DNAH8: variants seen among roughly 807,000 people sequenced by gnomAD.
DNAH8 encodes axonemal beta dynein heavy chain 8.
Under a neutral mutation model 562.1 loss-of-function variants are expected in DNAH8, and 382 were observed. That is an observed-to-expected ratio of 0.68 (90% CI 0.63 to 0.74). The LOEUF is 0.74. Among genes scored for constraint, DNAH8 ranks in the 30% least tolerant of loss-of-function variants. The pLI is 0.00. For synonymous variants in DNAH8, 1,881 were observed against 1,919.4 expected, an observed-to-expected ratio of 0.98 and a Z score of 0.52; for missense variants, 5,203 against 5,620.4, an observed-to-expected ratio of 0.93 and a Z score of 2.37.
intron 30 of DNAH8, among the ~76,000 whole-genome samples, chr6:38,828,963 T>C (rs888226963): frequency 6.6e-6 from 1 of 152,188 alleles, no homozygotes; most frequent in African/African-American, 2.4e-5. Context: ...TCTGGACATT[T>C]AATGTAGACT....
intron 53 of DNAH8, among the ~76,000 whole-genome samples, chr6:38,878,829 T>G (rs1198199080): frequency 2.0e-5 from 3 of 152,188 alleles, no homozygotes; most frequent in Non-Finnish European, 2.9e-5. Flanking sequence ...CATTTCAAAA[T>G]TGCTAAGAGA....
At chr6:38,834,715 T>A in intron 32 of DNAH8, 74 bp downstream of exon 32, 1 of 1,165,056 alleles carries the variant, frequency 8.6e-7, no homozygotes, top group Non-Finnish European at 1.3e-6. Context: ...ATGGAGGTTT[T>A]ACTTTTTAAT....
intron 79 of DNAH8, 133 bp from the exon 80 acceptor site, chr6:38,945,334 T>A (rs1761312874): frequency 1.1e-6 from 1 of 951,390 alleles, no homozygotes; most frequent in South Asian, 1.8e-5. Context: ...TCACATTTTC[T>A]GTAATATTAT....
intron 21 of DNAH8, among the ~76,000 whole-genome samples, chr6:38,800,549 C>T (rs1435161735): frequency 6.6e-6 from 1 of 152,168 alleles, no homozygotes; most frequent in African/African-American, 2.4e-5. Flanking sequence ...CAGGGTCTCA[C>T]TCTGTCCCTC....
intron 91 of DNAH8, among the ~76,000 whole-genome samples, chr6:39,022,361 C>A (rs975013220): frequency 6.6e-6 from 1 of 152,216 alleles, no homozygotes; most frequent in African/African-American, 2.4e-5. Context: ...ACCCTATGGA[C>A]CAGGCCTCAG....
chr6:38,849,408 T>C (rs1024212959), intron 37 of DNAH8, among the ~76,000 whole-genome samples: 1 of 152,156 alleles, frequency 6.6e-6, no homozygotes, highest in Non-Finnish European at 1.5e-5. Context: ...AACAGCTCTA[T>C]TGGGGCCTTT....
chr6:38,998,177 G>C (rs1765266069), intron 88 of DNAH8, among the ~76,000 whole-genome samples: 1 of 152,162 alleles, frequency 6.6e-6, no homozygotes, highest in African/African-American at 2.4e-5. Context: ...ATTTGGGCAG[G>C]GCGAATCACA....
intron 21 of DNAH8, among the ~76,000 whole-genome samples, chr6:38,796,046 G>T (rs1425799505): frequency 1.3e-5 from 2 of 152,178 alleles, no homozygotes; most frequent in Non-Finnish European, 2.9e-5. Flanking sequence ...TCCTTGGCCA[G>T]CTGGGTCCCT....
intron 44 of DNAH8, 67 bp from the exon 45 acceptor site, chr6:38,863,806 A>T: frequency 7.5e-7 from 1 of 1,338,780 alleles, no homozygotes; most frequent in Non-Finnish European, 1.0e-6. Context: ...AGCACTGGAG[A>T]AATGATTGTT....
intron 85 of DNAH8, among the ~76,000 whole-genome samples, chr6:38,980,014 T>G (rs9369096): frequency 0.14 from 21,949 of 152,130 alleles, 2,139 homozygotes; most frequent in East Asian, 0.51. Context: ...GTATGAATTT[T>G]CATGTTAATA....
intron 18 of DNAH8, among the ~76,000 whole-genome samples, chr6:38,787,668 C>T (rs2127650741): frequency 7.3e-6 from 1 of 136,292 alleles, no homozygotes; most frequent in Admixed American, 8.6e-5. Context: ...TGCACTCCAG[C>T]CTGGGTGACA....
Position 39,012,375 on chromosome 6 carries a change from G to T in DNAH8, c.13524+8G>T. On this transcript the variant is annotated splice_region_variant and intron_variant, in intron 90 of 92. Coordinates refer to ENST00000327475, the MANE Select transcript of DNAH8 (RefSeq NM_001206927.2). ...ACAATCATTATGAGTGAGGTGAGCT[G>T]TTATTACATCAGTAGGCATTTCCTT... The T allele has an allele frequency of 1.2e-6, 2 of 1,610,604 alleles. No individual in the cohort carries two copies. Among genetic ancestry groups the T allele is most frequent in the Non-Finnish European group, 1.7e-6 (2 of 1,177,352 alleles).
intron 82 of DNAH8, among the ~76,000 whole-genome samples, chr6:38,967,638 A>G (rs1162587224): frequency 6.6e-6 from 1 of 152,192 alleles, no homozygotes; most frequent in African/African-American, 2.4e-5. Flanking sequence ...ATACCTAAAT[A>G]AATGGAAAGA....
At chr6:38,948,401 C>T (rs1321720047) in intron 80 of DNAH8, among the ~76,000 whole-genome samples, 1 of 152,090 alleles carries the variant, frequency 6.6e-6, no homozygotes, top group Non-Finnish European at 1.5e-5. Context: ...TGCAATGGCA[C>T]AATCTTGGCT....
At chr6:38,750,450 A>G (rs968251649) in intron 8 of DNAH8, 26 bp from the exon 9 acceptor site, 14 of 1,514,980 alleles carry the variant, frequency 9.2e-6, no homozygotes, top group Non-Finnish European at 1.3e-5. Context: ...GATGTTTCAT[A>G]GAATTCTTAT....
At chr6:38,903,152 G>C (rs959835023) in intron 62 of DNAH8, among the ~76,000 whole-genome samples, 4 of 152,104 alleles carry the variant, frequency 2.6e-5, no homozygotes, top group South Asian at 2.1e-4. Context: ...ACTCTACGCT[G>C]TTCTGTATTA....
chr6:38,926,411 CCT>C lies in DNAH8; in HGVS notation c.11118+206_11118+207del, dbSNP rs149006422. ...GTACTCTCTTTGGATCCTCCCTCCCCCTCTCTTTGTACATTTCCCTGACTCCA... is the reference window on the plus strand; with the variant it reads ...GTACTCTCTTTGGATCCTCCCTCCCCCTCTTTGTACATTTCCCTGACTCCA... On this transcript the variant is annotated intron_variant, in intron 74 of 92. Coordinates refer to ENST00000327475, the MANE Select transcript of DNAH8 (RefSeq NM_001206927.2). Among the ~76,000 whole-genome samples, 1,781 of 151,850 alleles carry C rather than the reference CCT, an allele frequency of 0.012. 124 individuals carry two copies. The East Asian group carries it at 0.18, about 16-fold the overall frequency.
intron 88 of DNAH8, among the ~76,000 whole-genome samples, chr6:38,993,085 T>C (rs984882375): frequency 1.3e-5 from 2 of 152,226 alleles, no homozygotes; most frequent in Non-Finnish European, 2.9e-5. Context: ...AAAAACATCA[T>C]GAGTTAATAC....
At chr6:38,801,805 C>T (rs567241987) in intron 21 of DNAH8, among the ~76,000 whole-genome samples, 1 of 152,258 alleles carries the variant, frequency 6.6e-6, no homozygotes, top group Non-Finnish European at 1.5e-5. Context: ...ATTAGACAGT[C>T]AAGAAAGGAA....
Sources: gnomAD v4.1 joint callset for allele counts (sites outside exome capture counted in the v4.1 genomes callset) on GRCh38, gnomAD v4.1.1 for gene constraint, MANE v1.5 for transcripts, NCBI Gene and HGNC (gene_info 2026-07-23, HGNC 2026-07-21) for gene names.